Variants in PREX1 observed in about 807,000 individuals in gnomAD.
PREX1 encodes phosphatidylinositol 3,4,5-trisphosphate-dependent Rac exchanger 1 protein.
Under a neutral mutation model 198.3 loss-of-function variants are expected in PREX1, and 41 were observed. The observed-to-expected ratio is 0.21, with a 90% CI of 0.16 to 0.27. PREX1 has a LOEUF of 0.27. Among genes scored for constraint, PREX1 ranks in the 10% least tolerant of loss-of-function variants. PREX1 has a pLI of 1.00. For missense variants in PREX1, 1,620 were observed against 2,200.7 expected (o/e 0.74, Z 5.28); for synonymous variants, 843 against 887.2 (o/e 0.95, Z 0.89).
chr20:48,756,378 C>T (rs1204456839), intron 1 of PREX1, among the ~76,000 whole-genome samples: 1 of 152,190 alleles, frequency 6.6e-6, no homozygotes, highest in African/African-American at 2.4e-5. Flanking sequence ...CCCAAAAGAC[C>T]CAAATTTTGG....
chr20:48,720,376 C>A (rs2089979765), intron 5 of PREX1, among the ~76,000 whole-genome samples: 1 of 152,190 alleles, frequency 6.6e-6, no homozygotes, highest in Admixed American at 6.5e-5. Flanking sequence ...GGGGTTCAAG[C>A]TGGTTTTGTT....
intron 5 of PREX1, among the ~76,000 whole-genome samples, chr20:48,720,686 G>A (rs578085171): frequency 5.9e-5 from 9 of 151,990 alleles, no homozygotes; most frequent in Middle Eastern, 6.8e-3. Flanking sequence ...TCCATGCTCC[G>A]GGAAACACGT....
chr20:48,788,973 C>T (rs905739540), intron 1 of PREX1, among the ~76,000 whole-genome samples: 2 of 152,066 alleles, frequency 1.3e-5, no homozygotes, highest in East Asian at 1.9e-4. Flanking sequence ...AGATGTGGCC[C>T]CTCCACCTGG....
chr20:48,798,849 G>A (rs987027818), intron 1 of PREX1, among the ~76,000 whole-genome samples: 5 of 152,146 alleles, frequency 3.3e-5, no homozygotes, highest in East Asian at 1.9e-4. Flanking sequence ...AATTGGAATC[G>A]CTTCAGATCT....
chr20:48,809,839 G>A (rs1452544993), intron 1 of PREX1, among the ~76,000 whole-genome samples: 5 of 152,260 alleles, frequency 3.3e-5, no homozygotes, highest in African/African-American at 9.6e-5. Flanking sequence ...GAAGTAGGAC[G>A]GACCATGTGG....
intron 1 of PREX1, among the ~76,000 whole-genome samples, chr20:48,823,433 T>G (rs1481389762): frequency 3.3e-5 from 5 of 152,102 alleles, no homozygotes. Context: ...GTGACGCAGG[T>G]GCTACACTGT....
In PREX1 at chr20:48,632,716, C is replaced by T. The variant is rs2089325199; in HGVS notation, c.4268-77G>A. On this transcript the variant is annotated intron_variant, in intron 33 of 39. Transcript: ENST00000371941. ...GAAGCCCTGGCACACCTCTCCAGAACAGCTGGCACCTCCCTGCCCCCAGGT... is the reference window on the plus strand; with the variant it reads ...GAAGCCCTGGCACACCTCTCCAGAATAGCTGGCACCTCCCTGCCCCCAGGT... The T allele has an allele frequency of 2.0e-6, 3 of 1,526,908 alleles. No individual in the cohort carries two copies. In the South Asian group the frequency reaches 3.5e-5, roughly 18 times the overall value. The allele number at this position is 1,526,908 out of a possible 1,614,324, so 94.6% of individuals were successfully genotyped here.
chr20:48,764,225 G>A (rs777189752), intron 1 of PREX1, among the ~76,000 whole-genome samples: 13 of 152,190 alleles, frequency 8.5e-5, no homozygotes, highest in Non-Finnish European at 1.6e-4. Context: ...CAACGTGAAA[G>A]GAGGGAGAAC....
At chr20:48,841,284 A>C in the PREX1 span, among the ~76,000 whole-genome samples, 1 of 152,192 alleles carries the variant, frequency 6.6e-6, no homozygotes, top group Non-Finnish European at 1.5e-5. Context: ...GAGAGCCAGA[A>C]AGTAAGTATT....
intron 20 of PREX1, 98 bp from the exon 21 acceptor site, chr20:48,652,804 G>T: frequency 7.3e-7 from 1 of 1,369,488 alleles, no homozygotes; most frequent in Non-Finnish European, 9.9e-7. Flanking sequence ...CCAGAGCTCT[G>T]GAAACTCACT....
At chr20:48,646,490 C>CTGGCCAACA (rs1200275437) in intron 25 of PREX1, among the ~76,000 whole-genome samples, 9 of 152,172 alleles carry the variant, frequency 5.9e-5, no homozygotes, top group East Asian at 1.9e-4. Flanking sequence ...TGAGACCAGC[C>CTGGCCAACA]TGGCCAACAT....
chr20:48,652,504 AGGGG>A, intron 21 of PREX1, 78 bp downstream of exon 21: 2 of 1,462,570 alleles, frequency 1.4e-6, no homozygotes, highest in Non-Finnish European at 1.8e-6. Context: ...AGGGGAGGGG[AGGGG>A]ACAACAGGAG....
At chr20:48,877,879 C>T in the PREX1 span, among the ~76,000 whole-genome samples, 2 of 152,260 alleles carry the variant, frequency 1.3e-5, no homozygotes, top group South Asian at 2.1e-4. Context: ...GAGGCTGAGG[C>T]GGGCGGATCA....
intron 1 of PREX1, among the ~76,000 whole-genome samples, chr20:48,810,393 G>T (rs1024015885): frequency 6.6e-6 from 1 of 151,752 alleles, no homozygotes; most frequent in Admixed American, 6.6e-5. Context: ...GACCAGCCTG[G>T]GCAACATAGT....
intron 5 of PREX1, among the ~76,000 whole-genome samples, chr20:48,712,593 T>A (rs2089937103): frequency 6.6e-6 from 1 of 152,256 alleles, no homozygotes; most frequent in African/African-American, 2.4e-5. Context: ...GCTTCCCTTT[T>A]CTATCTGTCC....
chr20:48,649,077 G>C (rs1010083335), intron 25 of PREX1, among the ~76,000 whole-genome samples: 1 of 152,124 alleles, frequency 6.6e-6, no homozygotes, highest in Non-Finnish European at 1.5e-5. Flanking sequence ...TTCCCTGCAG[G>C]GGATATTTAG....
At chr20:48,782,935 G>A (rs1260453573) in intron 1 of PREX1, among the ~76,000 whole-genome samples, 3 of 152,166 alleles carry the variant, frequency 2.0e-5, no homozygotes, top group Non-Finnish European at 4.4e-5. Flanking sequence ...AAAAAGGACT[G>A]TAGGAGGTGA....
At chr20:48,848,981 A>G in the PREX1 span, among the ~76,000 whole-genome samples, 2 of 151,020 alleles carry the variant, frequency 1.3e-5, no homozygotes, top group African/African-American at 4.9e-5. Flanking sequence ...CAGGTGATCC[A>G]CCCACCTCAG....
At chr20:48,656,564 G>T in intron 18 of PREX1, 1 of 456,772 alleles carries the variant, frequency 2.2e-6, no homozygotes, top group Non-Finnish European at 4.4e-6. Context: ...TGCTTCCCCT[G>T]CCTGGAGCCC....
Sources: allele counts gnomAD v4.1 joint callset (sites outside exome capture counted in the v4.1 genomes callset), GRCh38; gene constraint gnomAD v4.1.1; transcripts MANE v1.5; gene names NCBI Gene and HGNC (gene_info 2026-07-23, HGNC 2026-07-21).